The following GPRIN3 variants were observed in gnomAD, a reference collection of about 807,000 sequenced individuals.
GPRIN3 encodes GPRIN family member 3.
GPRIN3 carries 12 observed loss-of-function variants against 13.7 expected under a neutral mutation model. The observed-to-expected ratio is 0.87, with a 90% confidence interval of 0.56 to 1.42. The LOEUF (loss-of-function observed/expected upper bound fraction) is 1.42, where lower values mean the gene tolerates loss of function less well. GPRIN3 is among the 40% of genes most tolerant of loss of function. The probability of loss-of-function intolerance (pLI) is 0.00; values close to 1 mark genes in which losing one functional copy is unlikely to be tolerated. For missense variants in GPRIN3, 1,009 were observed against 958.7 expected (o/e 1.05, Z -0.69); for synonymous variants, 377 against 372.7 (o/e 1.01, Z -0.13).
chr4:89,239,545 C>G lies in GPRIN3; in HGVS notation c.*8235G>C, dbSNP rs572835153. 1.4e-4 allele frequency: 22 copies of G among 152,194 alleles called. No individual in the cohort carries two copies. Among genetic ancestry groups the G allele is most frequent in the Admixed American group, 1.4e-3 (21 of 15,286 alleles). 9.4% of individuals were successfully genotyped at this position (152,194 alleles called of 1,614,324 possible). A position where few individuals can be genotyped will look rare whatever the true frequency, so the allele number is the denominator to read the frequency against. ...ATTTAATATACAACGATGGCACATTCGTTCTCTAAAACATGAATATGTTTT... is the reference window on the plus strand; with the variant it reads ...ATTTAATATACAACGATGGCACATTGGTTCTCTAAAACATGAATATGTTTT... On this transcript the variant is annotated 3_prime_UTR_variant, in exon 2 of 2. Transcript: ENST00000609438.
At chr4:89,298,491 C>T (rs1724804108) in intron 1 of GPRIN3, among the ~76,000 whole-genome samples, 1 of 151,908 alleles carries the variant, frequency 6.6e-6, no homozygotes, top group Non-Finnish European at 1.5e-5. Context: ...GGTTGTTAGG[C>T]TACCAGGGGA....
chr4:89,250,124 A>T lies in GPRIN3; in HGVS notation c.-14T>A. On this transcript the variant is annotated 5_prime_UTR_variant, in exon 2 of 2. Transcript: ENST00000609438. ...TACAGTCCCCATGGAATTTCTCTTC[A>T]GGAGCACTCCAGAGCTCTCTTGAGT... 1 of 1,605,270 alleles carries T rather than the reference A, an allele frequency of 6.2e-7. No individual in the cohort carries two copies. Among genetic ancestry groups the T allele is most frequent in the Non-Finnish European group, 8.5e-7 (1 of 1,175,382 alleles).
chr4:89,260,179 C>A (rs2149263684), intron 1 of GPRIN3, among the ~76,000 whole-genome samples: 1 of 152,304 alleles, frequency 6.6e-6, no homozygotes, highest in East Asian at 1.9e-4. Context: ...GAGGAATCCA[C>A]AGGGAAAGGG....
At position 89,240,719 on chromosome 4, in the gene GPRIN3, G is replaced by A. The variant is rs542534064; in HGVS notation, c.*7061C>T. 1.3e-4 allele frequency: 20 copies of A among 152,118 alleles called. No homozygotes were observed. Among genetic ancestry groups the A allele is most frequent in the Non-Finnish European group, 2.9e-5 (2 of 68,004 alleles). 9.4% of individuals were successfully genotyped at this position (152,118 alleles called of 1,614,324 possible). ...AGGGAGTAACACCATTAATTGGGGG[G>A]GCATCTCATTCAATAATAATATTTG... On this transcript the variant is annotated 3_prime_UTR_variant, in exon 2 of 2. Transcript: ENST00000609438.
intron 1 of GPRIN3, among the ~76,000 whole-genome samples, chr4:89,258,177 G>A (rs1390375412): frequency 6.6e-6 from 1 of 151,408 alleles, no homozygotes; most frequent in Non-Finnish European, 1.5e-5. Context: ...AGCTTTATGT[G>A]ACATAGAAGC....
At chr4:89,284,425 A>T (rs959504600) in intron 1 of GPRIN3, among the ~76,000 whole-genome samples, 2 of 152,232 alleles carry the variant, frequency 1.3e-5, no homozygotes, top group African/African-American at 4.8e-5. Context: ...GTGTGGCCTC[A>T]GGCAAATTAG....
chr4:89,306,687 C>T (rs1725042057), intron 1 of GPRIN3, among the ~76,000 whole-genome samples: 1 of 152,132 alleles, frequency 6.6e-6, no homozygotes, highest in African/African-American at 2.4e-5. Flanking sequence ...CAAGCCCTTG[C>T]CTTTTGCCCA....
intron 1 of GPRIN3, among the ~76,000 whole-genome samples, chr4:89,261,969 C>G (rs1414091633): frequency 6.6e-6 from 1 of 151,322 alleles, no homozygotes; most frequent in East Asian, 1.9e-4. Flanking sequence ...CACACACACA[C>G]AAATTAGCCT....
chr4:89,249,164 GC>G lies in GPRIN3; in HGVS notation c.946del (p.Ala316LeufsTer29). The G allele has an allele frequency of 6.2e-7, 1 of 1,614,198 alleles. No individual in the cohort carries two copies. Among genetic ancestry groups the G allele is most frequent in the Non-Finnish European group, 8.5e-7 (1 of 1,180,018 alleles). On this transcript the variant is annotated frameshift_variant, in exon 2 of 2. Transcript: ENST00000609438. LOFTEE classifies it low-confidence loss of function (END_TRUNC). ...TGCCTGCACCTCCGCATCTTGCCAA[GC>G]CCTGCTGGGAACTTCCTTGATTTCA... ...ESEIKEVPSR[A>X]WQDAEVQAVA...
At position 89,245,428 on chromosome 4, in the gene GPRIN3, G is replaced by A. The variant is rs1578064972; in HGVS notation, c.*2352C>T. 1 of 152,336 alleles carries A rather than the reference G, an allele frequency of 6.6e-6. No homozygotes were observed. The highest frequency in any genetic ancestry group is 2.1e-4 in the South Asian group (1 of 4,824). 9.4% of individuals were successfully genotyped at this position (152,336 alleles called of 1,614,324 possible). ...ATCTAGCAATTTTAATGTATTTAAT[G>A]TGAGACAAATGCCAACAACTCTCTC... On this transcript the variant is annotated 3_prime_UTR_variant, in exon 2 of 2. Coordinates refer to ENST00000609438, the MANE Select transcript of GPRIN3 (RefSeq NM_198281.3).
rs1172673612 is a variant in GPRIN3, at chr4:89,236,532, A to T, written c.*11248T>A. ...AAAAGAACAATATTTTGCCTATGCC[A>T]TTTAATTCCCACAAATTTGCAAAGT... On this transcript the variant is annotated 3_prime_UTR_variant, in exon 2 of 2. Transcript: ENST00000609438. 1 of 152,164 alleles carries T rather than the reference A, an allele frequency of 6.6e-6. No individual in the cohort carries two copies. Among genetic ancestry groups the T allele is most frequent in the Non-Finnish European group, 1.5e-5 (1 of 68,030 alleles). 9.4% of individuals were successfully genotyped at this position (152,164 alleles called of 1,614,324 possible). A position where few individuals can be genotyped will look rare whatever the true frequency, so the allele number is the denominator to read the frequency against.
chr4:89,241,397 ATCAC>A lies in GPRIN3; in HGVS notation c.*6379_*6382del, dbSNP rs1364438957. ...TTTTACACATAAAAATAGAAAACTGATCACTCAGACTGTACACACTCACAGAATG... is the reference window on the plus strand; with the variant it reads ...TTTTACACATAAAAATAGAAAACTGATCAGACTGTACACACTCACAGAATG... On this transcript the variant is annotated 3_prime_UTR_variant, in exon 2 of 2. Coordinates refer to ENST00000609438, the MANE Select transcript of GPRIN3 (RefSeq NM_198281.3). 1.3e-5 allele frequency: 2 copies of A among 152,244 alleles called. No individual in the cohort carries two copies. The highest frequency in any genetic ancestry group is 4.8e-5 in the African/African-American group (2 of 41,470). The allele number at this position is 152,244 out of a possible 1,614,324, so 9.4% of individuals were successfully genotyped here.
intron 1 of GPRIN3, among the ~76,000 whole-genome samples, chr4:89,258,634 T>C (rs1361482970): frequency 6.6e-6 from 1 of 152,200 alleles, no homozygotes; most frequent in African/African-American, 2.4e-5. Context: ...GGCCTGTTCC[T>C]TTGACTCCAC....
intron 1 of GPRIN3, among the ~76,000 whole-genome samples, chr4:89,258,689 T>C (rs1295306260): frequency 6.6e-6 from 1 of 152,118 alleles, no homozygotes; most frequent in East Asian, 1.9e-4. Flanking sequence ...CACATGAGGG[T>C]CGTATGACCT....
intron 1 of GPRIN3, among the ~76,000 whole-genome samples, chr4:89,300,751 C>G (rs1296064562): frequency 6.6e-6 from 1 of 152,156 alleles, no homozygotes; most frequent in Admixed American, 6.5e-5. Flanking sequence ...GACTTCTGCT[C>G]TCTGACTGTT....
chr4:89,249,373 C>T lies in GPRIN3; in HGVS notation c.738G>A (p.Glu246=). 6.2e-7 allele frequency: 1 copy of T among 1,614,134 alleles called. No homozygotes were observed. The highest frequency in any genetic ancestry group is 8.5e-7 in the Non-Finnish European group (1 of 1,180,016). ...AGGCAGTGACAGAGGGCTGCTTGTT[C>T]TCTGAACATCCAGATTCTCTAGTTA... The part of the protein sequence containing the change: ...KPLTRESGCS[E]NKQPSVTASG... Residue 246 remains glutamate, a synonymous_variant, in exon 2 of 2, where the codon GAG becomes GAA. Coordinates refer to ENST00000609438, the MANE Select transcript of GPRIN3 (RefSeq NM_198281.3).
At position 89,247,783 on chromosome 4, in the gene GPRIN3, A is replaced by G. The variant is rs762949610; in HGVS notation, c.2328T>C (p.Asp776=). Residue 776 remains aspartate, a synonymous_variant, in exon 2 of 2, where the codon GAT becomes GAC. Coordinates refer to ENST00000609438, the MANE Select transcript of GPRIN3 (RefSeq NM_198281.3). ...CVRPAPSSVL[D] ...AAACTCCCATAAATACTCCCTTTCA[A>G]TCTAACACAGAAGACGGGGCAGGAC... 1.2e-6 allele frequency: 2 copies of G among 1,606,462 alleles called. No homozygotes were observed. The highest frequency in any genetic ancestry group is 4.5e-5 in the East Asian group (2 of 44,730).
intron 1 of GPRIN3, among the ~76,000 whole-genome samples, chr4:89,306,055 G>A (rs187906899): frequency 8.0e-4 from 121 of 152,072 alleles, no homozygotes; most frequent in Non-Finnish European, 1.4e-3. Flanking sequence ...AATTGCAATT[G>A]CTGTTTTTTT....
intron 1 of GPRIN3, among the ~76,000 whole-genome samples, chr4:89,259,700 C>T (rs542590868): frequency 6.6e-6 from 1 of 152,286 alleles, no homozygotes; most frequent in Non-Finnish European, 1.5e-5. Flanking sequence ...CACTGCCCCC[C>T]TCTACCACCC....
Sources: gnomAD v4.1 joint callset for allele counts (sites outside exome capture counted in the v4.1 genomes callset) on GRCh38, gnomAD v4.1.1 for gene constraint, MANE v1.5 for transcripts, NCBI Gene and HGNC (gene_info 2026-07-23, HGNC 2026-07-21) for gene names.